Variants in NLGN1 observed in about 807,000 individuals in gnomAD.
NLGN1 encodes neuroligin 1, also known as neuroligin-1.
In NLGN1, 12 loss-of-function variants were observed where a neutral mutation model predicts 65.5. That is an observed-to-expected ratio of 0.18 (90% CI 0.12 to 0.30). NLGN1 has a LOEUF of 0.30. Ranked by LOEUF, NLGN1 falls within the 10% of genes least tolerant of loss-of-function variation. The probability of loss-of-function intolerance (pLI) is 1.00; values close to 1 mark genes in which losing one functional copy is unlikely to be tolerated. For synonymous variants in NLGN1, 350 were observed against 359.5 expected (o/e 0.97, Z 0.30); for missense variants, 750 against 1,007.1 (o/e 0.74, Z 3.46).
chr3:174,141,296 T>A (rs569464024), intron 4 of NLGN1, among the ~76,000 whole-genome samples: 2 of 152,168 alleles, frequency 1.3e-5, no homozygotes, highest in African/African-American at 4.8e-5. Context: ...TCCTATCCAG[T>A]AATAAAATAA....
At chr3:173,734,626 C>T (rs1312164605) in intron 3 of NLGN1, among the ~76,000 whole-genome samples, 9 of 151,628 alleles carry the variant, frequency 5.9e-5, no homozygotes, top group Admixed American at 3.3e-4. Context: ...TAGTCTTGAA[C>T]TCCTGGCCTC....
At chr3:173,605,792 T>C (rs531391676) in intron 3 of NLGN1, among the ~76,000 whole-genome samples, 199 bp downstream of exon 3, 115 of 152,162 alleles carry the variant, frequency 7.6e-4, no homozygotes, top group Non-Finnish European at 1.3e-3. Flanking sequence ...AGCTCATTGG[T>C]TGTGCCTTGT....
intron 4 of NLGN1, among the ~76,000 whole-genome samples, chr3:174,184,688 CT>C (rs961574664): frequency 2.6e-5 from 4 of 152,112 alleles, no homozygotes; most frequent in African/African-American, 9.7e-5. Context: ...AGTTGGTCTC[CT>C]TTCCTGGGCA....
chr3:174,185,806 C>T (rs1281787299), intron 4 of NLGN1, among the ~76,000 whole-genome samples: 1 of 104,530 alleles, frequency 9.6e-6, no homozygotes, highest in Non-Finnish European at 2.3e-5. Context: ...TAGAAATTAA[C>T]CAAAAAAAAA....
intron 3 of NLGN1, among the ~76,000 whole-genome samples, chr3:173,727,402 A>G (rs892645888): frequency 3.3e-5 from 5 of 152,182 alleles, no homozygotes; most frequent in Admixed American, 2.0e-4. Flanking sequence ...ACATCTTTCA[A>G]TGCTACTCTT....
intron 4 of NLGN1, among the ~76,000 whole-genome samples, chr3:173,937,279 A>G (rs1426188208): frequency 1.3e-5 from 2 of 152,018 alleles, no homozygotes; most frequent in Non-Finnish European, 2.9e-5. Context: ...TTTTTTCTTC[A>G]TTATAAACTG....
rs189821304 is a variant in NLGN1 at position 173,844,720 on chromosome 3, A to G, written c.646+36888A>G. On this transcript the variant is annotated intron_variant, in intron 4 of 6. Coordinates refer to ENST00000457714, the Ensembl canonical transcript of NLGN1. ...TGTTTGTGATTGTTTCACTGTAGAC[A>G]TTTCTTGAACGAAGTAAGCATAGTT... is the stretch of plus-strand genomic sequence containing the variant. Among the ~76,000 whole-genome samples the G allele has an allele frequency of 4.2e-3, 647 of 152,324 alleles. 4 individuals carry two copies. Among genetic ancestry groups the G allele is most frequent in the Middle Eastern group, 0.014 (4 of 294 alleles).
At chr3:173,637,883 T>G (rs1407151110) in intron 3 of NLGN1, among the ~76,000 whole-genome samples, 1 of 152,222 alleles carries the variant, frequency 6.6e-6, no homozygotes, top group African/African-American at 2.4e-5. Context: ...GTTTGGGATT[T>G]GGTCTTACAC....
chr3:173,867,814 A>G (rs1730467404), intron 4 of NLGN1, among the ~76,000 whole-genome samples: 1 of 152,106 alleles, frequency 6.6e-6, no homozygotes, highest in South Asian at 2.1e-4. Context: ...GGAAGTTTAA[A>G]ATCTACCTAC....
intron 4 of NLGN1, among the ~76,000 whole-genome samples, chr3:174,044,601 G>A (rs1405056305): frequency 1.3e-5 from 2 of 152,080 alleles, no homozygotes; most frequent in Non-Finnish European, 2.9e-5. Flanking sequence ...CAGCCTCTCA[G>A]CCTGGACTTC....
chr3:173,764,129 C>G (rs1778406981), intron 3 of NLGN1, among the ~76,000 whole-genome samples: 1 of 152,090 alleles, frequency 6.6e-6, no homozygotes, highest in African/African-American at 2.4e-5. Flanking sequence ...AAACAAACAA[C>G]AAAAGCTCTG....
At chr3:173,627,348 C>G (rs1053979335) in intron 3 of NLGN1, among the ~76,000 whole-genome samples, 1 of 152,210 alleles carries the variant, frequency 6.6e-6, no homozygotes, top group East Asian at 1.9e-4. Flanking sequence ...ATAACATACT[C>G]CAGGTTCATG....
intron 4 of NLGN1, among the ~76,000 whole-genome samples, chr3:174,196,316 CT>C (rs35556803): frequency 5.9e-5 from 9 of 151,762 alleles, no homozygotes; most frequent in African/African-American, 1.5e-4. Flanking sequence ...TTTTTTTTCT[CT>C]TTTTTTCGCT....
At chr3:173,573,749 G>A (rs751980662) in intron 2 of NLGN1, among the ~76,000 whole-genome samples, 5 of 151,354 alleles carry the variant, frequency 3.3e-5, no homozygotes, top group Non-Finnish European at 7.4e-5. Flanking sequence ...AATTTTGATT[G>A]TGTCAGGATT....
chr3:174,063,367 G>T (rs912446038), intron 4 of NLGN1, among the ~76,000 whole-genome samples: 5 of 152,148 alleles, frequency 3.3e-5, no homozygotes. Flanking sequence ...AGTTCTTGAT[G>T]CTATGGGAAA....
At chr3:173,754,896 A>G (rs751755915) in intron 3 of NLGN1, among the ~76,000 whole-genome samples, 26 of 152,118 alleles carry the variant, frequency 1.7e-4, no homozygotes, top group Non-Finnish European at 2.9e-5. Flanking sequence ...TTTAATTTAT[A>G]CAACAATTCC....
At chr3:173,990,824 TG>T (rs1489113743) in intron 4 of NLGN1, among the ~76,000 whole-genome samples, 1 of 152,192 alleles carries the variant, frequency 6.6e-6, no homozygotes, top group Non-Finnish European at 1.5e-5. Context: ...ACAATTGTAA[TG>T]GGTATTAGAA....
At chr3:174,076,716 A>AGT (rs1741031021) in intron 4 of NLGN1, among the ~76,000 whole-genome samples, 2 of 130,318 alleles carry the variant, frequency 1.5e-5, no homozygotes, top group Admixed American at 7.4e-5. Flanking sequence ...AGAGAGAGAG[A>AGT]GAGAGAGAGT....
intron 2 of NLGN1, among the ~76,000 whole-genome samples, chr3:173,567,127 T>G (rs1387608476): frequency 3.0e-4 from 45 of 152,226 alleles, no homozygotes; most frequent in African/African-American, 9.6e-5. Flanking sequence ...ACCTTGGTAG[T>G]TAAGAGAATT....
Sources: allele counts gnomAD v4.1 joint callset (sites outside exome capture counted in the v4.1 genomes callset), GRCh38; gene constraint gnomAD v4.1.1; transcripts MANE v1.5; gene names NCBI Gene and HGNC (gene_info 2026-07-23, HGNC 2026-07-21).